KCNK3: variants seen among roughly 807,000 people sequenced by gnomAD.
The protein encoded by KCNK3 is potassium two pore domain channel subfamily K member 3.
Under a neutral mutation model 27.3 loss-of-function variants are expected in KCNK3, and 9 were observed. The observed-to-expected ratio is 0.33, with a 90% CI of 0.20 to 0.57. KCNK3 has a LOEUF of 0.57. KCNK3 is among the 20% of genes least tolerant of loss of function. KCNK3 has a pLI of 0.87. For synonymous variants in KCNK3, 278 were observed against 273.8 expected (o/e 1.02, Z -0.15); for missense variants, 391 against 577.7 (o/e 0.68, Z 3.31).
At position 26,732,426 on chromosome 2, in the gene KCNK3, G is replaced by A. The variant is rs1663557232; in HGVS notation, c.*3858G>A. On this transcript the variant is annotated 3_prime_UTR_variant, in exon 2 of 2. Transcript: ENST00000302909. Reference sequence around the variant, plus strand: ...TATACTGGAGAAATAAAGAGAGTGGGAGTAGGGACACTTTCTCCCAGTGCC... The same window carrying A: ...TATACTGGAGAAATAAAGAGAGTGGAAGTAGGGACACTTTCTCCCAGTGCC... 6.6e-6 allele frequency: 1 copy of A among 152,194 alleles called. No homozygotes were observed. Among genetic ancestry groups the A allele is most frequent in the Non-Finnish European group, 1.5e-5 (1 of 68,032 alleles). The allele number at this position is 152,194 out of a possible 1,614,324, so 9.4% of individuals were successfully genotyped here.
intron 1 of KCNK3, among the ~76,000 whole-genome samples, chr2:26,716,126 G>A (rs1663227168): frequency 6.6e-6 from 1 of 152,138 alleles, no homozygotes. Context: ...CTTCCATCTT[G>A]GTGTGAAGAG....
Position 26,728,038 on chromosome 2 carries a change from C to A in KCNK3, c.655C>A (p.Gln219Lys), listed in dbSNP as rs1463709031. 6.2e-7 allele frequency: 1 copy of A among 1,614,084 alleles called. No individual in the cohort carries two copies. The highest frequency in any genetic ancestry group is 1.3e-5 in the African/African-American group (1 of 74,942). The change falls in exon 2 of 2, where the codon CAG becomes AAG. Residue 219 changes from glutamine to lysine, a missense_variant. Gln to Lys is a moderately conservative substitution (Grantham distance 53). Coordinates refer to ENST00000302909, the MANE Select transcript of KCNK3 (RefSeq NM_002246.3). The part of the protein sequence containing the change: ...QKDQALQTQP[Q>K]YVAFSFVYIL... Reference sequence around the variant, plus strand: ...GGACCAGGCCCTGCAGACGCAGCCGCAGTACGTGGCCTTCAGCTTCGTCTA... The same window carrying A: ...GGACCAGGCCCTGCAGACGCAGCCGAAGTACGTGGCCTTCAGCTTCGTCTA...
chr2:26,727,571 G>A, intron 1 of KCNK3, 96 bp from the exon 2 acceptor site: 3 of 1,481,250 alleles, frequency 2.0e-6, no homozygotes, highest in Non-Finnish European at 2.7e-6. Context: ...CCCACAAGGT[G>A]GGGGAGGTGG....
intron 1 of KCNK3, among the ~76,000 whole-genome samples, chr2:26,698,167 T>C (rs1396879686): frequency 6.6e-6 from 1 of 152,080 alleles, no homozygotes; most frequent in African/African-American, 2.4e-5. Context: ...ATCACTCCAT[T>C]GTTCGAGGCC....
chr2:26,710,457 G>A (rs767110127), intron 1 of KCNK3, among the ~76,000 whole-genome samples: 11 of 152,274 alleles, frequency 7.2e-5, no homozygotes, highest in African/African-American at 9.6e-5. Context: ...AACACCCACC[G>A]GTGCCTGCCA....
Position 26,728,394 on chromosome 2 carries a change from C to A in KCNK3, c.1011C>A (p.Asp337Glu). 6.2e-7 allele frequency: 1 copy of A among 1,607,156 alleles called. No homozygotes were observed. The highest frequency in any genetic ancestry group is 8.5e-7 in the Non-Finnish European group (1 of 1,177,060). ...TCCCGCGGGACCTCTCCACGTCCGA[C>A]ACGTGCGTGGAGCAGAGCCACTCGT... is the stretch of plus-strand genomic sequence containing the variant. ...MIIPRDLSTS[D>E]TCVEQSHSSP... is the part of the protein sequence containing the mutation. The change falls in exon 2 of 2, where the codon GAC becomes GAA. Residue 337 changes from aspartate to glutamate, a missense_variant. Around this residue, in one of 4 missense-constraint regions of KCNK3, gnomAD observed 192 missense variants for 196.0 expected, o/e 0.98. Transcript: ENST00000302909.
At position 26,692,832 on chromosome 2, in the gene KCNK3, C is replaced by T. The variant is rs1409983651; in HGVS notation, c.-44C>T. 2 of 1,098,784 alleles carry T rather than the reference C, an allele frequency of 1.8e-6. No homozygotes were observed. Among genetic ancestry groups the T allele is most frequent in the African/African-American group, 1.7e-5 (1 of 59,520 alleles). 68.1% of individuals were successfully genotyped at this position (1,098,784 alleles called of 1,614,324 possible). A position where few individuals can be genotyped will look rare whatever the true frequency, so the allele number is the denominator to read the frequency against. ...AGCAGCGGCGGCCGGGGCCGAGGCG[C>T]GGGCCGGGGGCGCCGGGGGGCCGGC... On this transcript the variant is annotated 5_prime_UTR_variant, in exon 1 of 2. Coordinates refer to ENST00000302909, the MANE Select transcript of KCNK3 (RefSeq NM_002246.3). This position sits in a 1 kb window ranked among gnomAD's most constrained non-coding sequence, Gnocchi z 5.6.
rs144015246 is a variant in KCNK3, at chr2:26,709,189, C to T, written c.283+16031C>T. ...GGATACCCAGCCTAATTTTGAGATG[C>T]TCATTTCAAATCCATGAAGGCAGTT... On this transcript the variant is annotated intron_variant, in intron 1 of 1. Coordinates refer to ENST00000302909, the MANE Select transcript of KCNK3 (RefSeq NM_002246.3). 1.9e-3 allele frequency among the ~76,000 whole-genome samples: 288 copies of T among 152,286 alleles called. 1 individual carries two copies. Among genetic ancestry groups the T allele is most frequent in the Middle Eastern group, 0.01 (3 of 294 alleles).
chr2:26,696,931 GCAA>G, intron 1 of KCNK3, among the ~76,000 whole-genome samples: 2 of 152,256 alleles, frequency 1.3e-5, no homozygotes, highest in Middle Eastern at 6.8e-3. Flanking sequence ...AACAGCAGCA[GCAA>G]CAACAATAAC....
intron 1 of KCNK3, among the ~76,000 whole-genome samples, chr2:26,716,169 T>C (rs1332645403): frequency 6.6e-6 from 1 of 152,130 alleles, no homozygotes; most frequent in Admixed American, 6.5e-5. Flanking sequence ...AGAAAAAAAC[T>C]GCCTTTGAAT....
chr2:26,704,177 C>T (rs79078535), intron 1 of KCNK3, among the ~76,000 whole-genome samples: 2,814 of 152,254 alleles, frequency 0.018, 104 homozygotes, highest in African/African-American at 0.064. Flanking sequence ...GAGTTTTTGA[C>T]TCCCCTATCC....
chr2:26,726,139 A>G (rs1663415913), intron 1 of KCNK3, among the ~76,000 whole-genome samples: 1 of 151,526 alleles, frequency 6.6e-6, no homozygotes. Flanking sequence ...AGAGAGAGAG[A>G]GAGACAGTAA....
chr2:26,697,948 C>T (rs1670256001), intron 1 of KCNK3, among the ~76,000 whole-genome samples: 1 of 152,118 alleles, frequency 6.6e-6, no homozygotes. Flanking sequence ...CCCCAAAATC[C>T]CAGAGGTCCT....
At chr2:26,709,740 C>G (rs973603545) in intron 1 of KCNK3, among the ~76,000 whole-genome samples, 1 of 152,204 alleles carries the variant, frequency 6.6e-6, no homozygotes, top group African/African-American at 2.4e-5. Context: ...CACCCTCCCC[C>G]TGCAGAGACC....
chr2:26,711,868 G>A (rs67575134), intron 1 of KCNK3, among the ~76,000 whole-genome samples: 7,586 of 152,226 alleles, frequency 0.05, 276 homozygotes, highest in Non-Finnish European at 0.081. Flanking sequence ...TATCGGGGCT[G>A]GGGGGAGGGA....
At chr2:26,726,100 C>CAGAGAGAGAG (rs1269817992) in intron 1 of KCNK3, among the ~76,000 whole-genome samples, 1 of 109,666 alleles carries the variant, frequency 9.1e-6, no homozygotes, top group Non-Finnish European at 1.8e-5. Flanking sequence ...CACACACACA[C>CAGAGAGAGAG]ACACACAGAG....
intron 1 of KCNK3, among the ~76,000 whole-genome samples, chr2:26,726,100 CACACACAGAGAGAGAG>C (rs905224514): frequency 1.8e-4 from 20 of 109,664 alleles, no homozygotes; most frequent in African/African-American, 8.3e-4. Flanking sequence ...CACACACACA[CACACACAGAGAGAGAG>C]AGAGAGAGAG....
At chr2:26,709,163 C>T (rs2586886) in intron 1 of KCNK3, among the ~76,000 whole-genome samples, 87,680 of 151,978 alleles carry the variant, frequency 0.58, 25,811 homozygotes, top group Admixed American at 0.69. Context: ...ACTTCTGTTT[C>T]GGATACCCAG....
rs1394413604 is a variant in KCNK3, at chr2:26,693,210, C to G, written c.283+52C>G. On this transcript the variant is annotated intron_variant, in intron 1 of 1. Coordinates refer to ENST00000302909, the MANE Select transcript of KCNK3 (RefSeq NM_002246.3). This position sits in a 1 kb window ranked among gnomAD's most constrained non-coding sequence, Gnocchi z 5.5. ...GAACCCAGGGCTGGGCGCGGGGCTC[C>G]GGGAGTCGTCCGGGGCCGGCTGGGG... The G allele has an allele frequency of 3.6e-6, 2 of 554,124 alleles. No homozygotes were observed. The highest frequency in any genetic ancestry group is 3.9e-5 in the South Asian group (1 of 25,802). 34.3% of individuals were successfully genotyped at this position (554,124 alleles called of 1,614,324 possible). A position where few individuals can be genotyped will look rare whatever the true frequency, so the allele number is the denominator to read the frequency against.
Sources: allele counts gnomAD v4.1 joint callset (sites outside exome capture counted in the v4.1 genomes callset), GRCh38; gene constraint gnomAD v4.1.1; regional missense constraint gnomAD v4.1.1; non-coding constraint Gnocchi (gnomAD v3.1); transcripts MANE v1.5; gene names NCBI Gene and HGNC (gene_info 2026-07-23, HGNC 2026-07-21).